RBFOX1: variants seen among roughly 807,000 people sequenced by gnomAD.
RBFOX1 encodes RNA binding protein fox-1 homolog 1.
Under a neutral mutation model 57.7 loss-of-function variants are expected in RBFOX1, and 8 were observed. That is an observed-to-expected ratio of 0.14 (90% CI 0.08 to 0.25). The LOEUF (loss-of-function observed/expected upper bound fraction) is 0.25, where lower values mean the gene tolerates loss of function less well. RBFOX1 is among the 10% of genes least tolerant of loss of function. The probability of loss-of-function intolerance (pLI) is 1.00; values close to 1 mark genes in which losing one functional copy is unlikely to be tolerated. For missense variants in RBFOX1, 611 were observed against 548.5 expected (o/e 1.11, Z -1.14); for synonymous variants, 326 against 222.4 (o/e 1.47, Z -4.15).
intron 4 of RBFOX1, among the ~76,000 whole-genome samples, chr16:7,145,264 G>T (rs1294409596): frequency 3.9e-5 from 6 of 152,112 alleles, no homozygotes; most frequent in Admixed American, 3.9e-4. Context: ...GAGTGCAGTG[G>T]CGCAGTCTCA....
At chr16:6,762,483 T>C (rs2076748488) in intron 3 of RBFOX1, among the ~76,000 whole-genome samples, 1 of 152,128 alleles carries the variant, frequency 6.6e-6, no homozygotes, top group Admixed American at 6.5e-5. Flanking sequence ...GTGTGAATTT[T>C]TGGATTAGTT....
intron 4 of RBFOX1, among the ~76,000 whole-genome samples, chr16:7,487,487 C>T (rs746301125): frequency 8.5e-5 from 13 of 152,166 alleles, no homozygotes; most frequent in Non-Finnish European, 1.8e-4. Context: ...AATAGGGGAG[C>T]ACTAAATATT....
intron 2 of RBFOX1, among the ~76,000 whole-genome samples, chr16:6,334,146 G>T (rs1266593294): frequency 2.0e-5 from 3 of 152,072 alleles, no homozygotes; most frequent in Non-Finnish European, 2.9e-5. Flanking sequence ...GAGAGATGCC[G>T]GCTAGTGGTA....
In RBFOX1 at chr16:6,791,996, C is replaced by A. The variant is rs182571588; in HGVS notation, c.-16+137346C>A. On this transcript the variant is annotated intron_variant, in intron 3 of 15. Coordinates refer to ENST00000550418, the MANE Select transcript of RBFOX1 (RefSeq NM_018723.4). ...CTTGGATTTATAGTCTGACTTTGAA[C>A]TCTGGAGTTCTGTTTTCCTACTTGA... 2.9e-3 allele frequency among the ~76,000 whole-genome samples: 436 copies of A among 152,280 alleles called. 1 individual carries two copies. The highest frequency in any genetic ancestry group is 9.8e-3 in the African/African-American group (406 of 41,554).
chr16:5,581,690 C>G (rs748573288), intron 2 of RBFOX1, among the ~76,000 whole-genome samples: 1 of 152,110 alleles, frequency 6.6e-6, no homozygotes, highest in Non-Finnish European at 1.5e-5. Flanking sequence ...AGGGAACTCT[C>G]CAAGCCAGGG....
chr16:7,187,923 C>T (rs902181138), intron 4 of RBFOX1, among the ~76,000 whole-genome samples: 29 of 151,988 alleles, frequency 1.9e-4, no homozygotes, highest in African/African-American at 5.1e-4. Context: ...TTTCCATGAC[C>T]GCATGGGTCA....
chr16:7,343,053 G>A (rs141173838), intron 4 of RBFOX1, among the ~76,000 whole-genome samples: 65 of 152,268 alleles, frequency 4.3e-4, no homozygotes, highest in African/African-American at 1.5e-3. Context: ...GGGAAGAGAG[G>A]CCTGTCCCCT....
At chr16:6,126,792 A>G (rs1057228795) in intron 1 of RBFOX1, among the ~76,000 whole-genome samples, 1 of 152,176 alleles carries the variant, frequency 6.6e-6, no homozygotes, top group Non-Finnish European at 1.5e-5. Context: ...ACTAGAGACC[A>G]GGTAATGAGC....
chr16:5,469,984 T>A (rs2069079921), intron 2 of RBFOX1, among the ~76,000 whole-genome samples: 1 of 152,022 alleles, frequency 6.6e-6, no homozygotes, highest in Non-Finnish European at 1.5e-5. Flanking sequence ...CTTGTCTGAG[T>A]TCCTGTTTTT....
Position 6,119,411 on chromosome 16 carries a change from G to A in RBFOX1, c.-127+99419G>A, listed in dbSNP as rs552577073. On this transcript the variant is annotated intron_variant, in intron 1 of 15. Transcript: ENST00000550418. Reference sequence around the variant, plus strand: ...TTATATCTTATTACTAGTGATATTAGCCTTGATCACTTAGTTGAGAAGGCA... The same window carrying A: ...TTATATCTTATTACTAGTGATATTAACCTTGATCACTTAGTTGAGAAGGCA... Among the ~76,000 whole-genome samples the A allele has an allele frequency of 3.3e-4, 51 of 152,252 alleles. 1 individual carries two copies. Among genetic ancestry groups the A allele is most frequent in the African/African-American group, 1.2e-3 (49 of 41,556 alleles).
chr16:5,889,102 A>G (rs373997191), intron 4 of RBFOX1, among the ~76,000 whole-genome samples: 2 of 152,248 alleles, frequency 1.3e-5, no homozygotes, highest in South Asian at 2.1e-4. Flanking sequence ...TTTTTCTTCA[A>G]CTTTTAAGTT....
chr16:6,557,062 T>C (rs1184064724), intron 2 of RBFOX1, among the ~76,000 whole-genome samples: 2 of 143,546 alleles, frequency 1.4e-5, no homozygotes, highest in East Asian at 2.0e-4. Context: ...TATACATATA[T>C]ACATACATAT....
intron 3 of RBFOX1, among the ~76,000 whole-genome samples, chr16:5,793,253 G>A (rs1189308931): frequency 6.6e-5 from 10 of 152,330 alleles, no homozygotes; most frequent in Admixed American, 4.6e-4. Context: ...TTTGCCCACC[G>A]TGGGCAGCCC....
intron 1 of RBFOX1, among the ~76,000 whole-genome samples, chr16:5,446,813 G>A (rs567202426): frequency 6.6e-6 from 1 of 152,230 alleles, no homozygotes; most frequent in South Asian, 2.1e-4. Context: ...GGCTCCACGT[G>A]GCAGAGGGCA....
intron 3 of RBFOX1, among the ~76,000 whole-genome samples, chr16:5,625,404 G>A (rs2048319210): frequency 6.6e-6 from 1 of 152,146 alleles, no homozygotes; most frequent in Non-Finnish European, 1.5e-5. Flanking sequence ...CAAGAACGTG[G>A]CCATGGGTCA....
intron 1 of RBFOX1, among the ~76,000 whole-genome samples, chr16:5,269,870 C>G (rs2062960986): frequency 6.6e-6 from 1 of 152,146 alleles, no homozygotes; most frequent in Non-Finnish European, 1.5e-5. Flanking sequence ...AAAATAGATT[C>G]CAGGCTGGGC....
chr16:5,596,498 G>A (rs2047188253), intron 2 of RBFOX1, among the ~76,000 whole-genome samples: 1 of 152,138 alleles, frequency 6.6e-6, no homozygotes, highest in Non-Finnish European at 1.5e-5. Flanking sequence ...GCTGCCTGGG[G>A]CAGGAGTGTG....
At chr16:6,933,463 G>T (rs962026640) in intron 3 of RBFOX1, among the ~76,000 whole-genome samples, 5 of 152,118 alleles carry the variant, frequency 3.3e-5, no homozygotes, top group African/African-American at 7.2e-5. Flanking sequence ...CTGTAATCCC[G>T]GCTCTTTGGG....
intron 3 of RBFOX1, among the ~76,000 whole-genome samples, chr16:6,907,079 A>G (rs116383499): frequency 6.6e-6 from 1 of 152,176 alleles, no homozygotes; most frequent in African/African-American, 2.4e-5. Context: ...TCATCTCCGT[A>G]TTCCAAGGAT....
Sources: gnomAD v4.1 joint callset for allele counts (sites outside exome capture counted in the v4.1 genomes callset) on GRCh38, gnomAD v4.1.1 for gene constraint, MANE v1.5 for transcripts, NCBI Gene and HGNC (gene_info 2026-07-23, HGNC 2026-07-21) for gene names.